Variants in GALNT13 observed in about 807,000 individuals in gnomAD.
The protein encoded by GALNT13 is UDP-GalNAc:polypeptide N-acetylgalactosaminyltransferase 13.
In GALNT13, 28 loss-of-function variants were observed where a neutral mutation model predicts 64.2. That is an observed-to-expected ratio of 0.44 (90% confidence interval 0.32 to 0.60). The LOEUF (loss-of-function observed/expected upper bound fraction) is 0.60, where lower values mean the gene tolerates loss of function less well. Ranked by LOEUF, GALNT13 falls within the 20% of genes least tolerant of loss-of-function variation. The probability of loss-of-function intolerance (pLI) is 0.05; values close to 1 mark genes in which losing one functional copy is unlikely to be tolerated. For synonymous variants in GALNT13, 214 were observed against 224.6 expected (o/e 0.95, Z 0.42); for missense variants, 577 against 669.8 (o/e 0.86, Z 1.53).
At chr2:153,973,905 C>T (rs942080739) in intron 3 of GALNT13, among the ~76,000 whole-genome samples, 1 of 151,986 alleles carries the variant, frequency 6.6e-6, no homozygotes, top group Non-Finnish European at 1.5e-5. Context: ...TTGATGATGG[C>T]TATGAACATT....
At chr2:153,239,085 T>C in the GALNT13 span, among the ~76,000 whole-genome samples, 1 of 152,140 alleles carries the variant, frequency 6.6e-6, no homozygotes, top group East Asian at 1.9e-4. Flanking sequence ...GGTATTTTAT[T>C]TTATTTGTAG....
the GALNT13 span, among the ~76,000 whole-genome samples, chr2:153,365,136 T>C: frequency 6.6e-6 from 1 of 151,976 alleles, no homozygotes; most frequent in African/African-American, 2.4e-5. Context: ...AAACAAGCAA[T>C]AGGTAAAGGA....
At chr2:154,124,268 A>C (rs1682126877) in intron 3 of GALNT13, among the ~76,000 whole-genome samples, 1 of 151,732 alleles carries the variant, frequency 6.6e-6, no homozygotes, top group South Asian at 2.1e-4. Flanking sequence ...GAAGTTAAAA[A>C]GAGAGAGATA....
At chr2:153,474,320 C>A in the GALNT13 span, among the ~76,000 whole-genome samples, 1 of 152,170 alleles carries the variant, frequency 6.6e-6, no homozygotes, top group Non-Finnish European at 1.5e-5. Flanking sequence ...GTGACCAGAA[C>A]CAAAATTTCT....
the GALNT13 span, among the ~76,000 whole-genome samples, chr2:153,684,734 A>G: frequency 2.6e-5 from 4 of 151,606 alleles, no homozygotes; most frequent in African/African-American, 9.7e-5. Flanking sequence ...CTTGTTGTAC[A>G]CATTATTTCA....
chr2:153,400,579 A>G, the GALNT13 span, among the ~76,000 whole-genome samples: 3 of 152,210 alleles, frequency 2.0e-5, no homozygotes, highest in East Asian at 1.9e-4. Flanking sequence ...TTGGTAAGCT[A>G]TTGATTATTG....
chr2:153,248,994 A>T, the GALNT13 span, among the ~76,000 whole-genome samples: 148 of 152,292 alleles, frequency 9.7e-4, no homozygotes, highest in African/African-American at 3.4e-3. Context: ...CTCTCTCAGC[A>T]CTCCTATTCA....
intron 4 of GALNT13, among the ~76,000 whole-genome samples, chr2:154,208,225 G>A (rs1180802435): frequency 3.3e-5 from 5 of 152,060 alleles, no homozygotes; most frequent in African/African-American, 1.2e-4. Flanking sequence ...TGTTCTTTTT[G>A]TCTGGCACTA....
At chr2:153,386,551 G>C in the GALNT13 span, among the ~76,000 whole-genome samples, 1 of 152,028 alleles carries the variant, frequency 6.6e-6, no homozygotes, top group African/African-American at 2.4e-5. Context: ...TGAGGGATCT[G>C]AGTTGGGCCA....
the GALNT13 span, among the ~76,000 whole-genome samples, chr2:153,807,487 T>C: frequency 6.6e-6 from 1 of 151,966 alleles, no homozygotes; most frequent in Non-Finnish European, 1.5e-5. Context: ...TTAGATATTG[T>C]ATATGTATAA....
chr2:153,213,383 C>T, the GALNT13 span, among the ~76,000 whole-genome samples: 1 of 152,172 alleles, frequency 6.6e-6, no homozygotes, highest in Non-Finnish European at 1.5e-5. Flanking sequence ...TGTGGGGAGA[C>T]TTGATCTTTA....
intron 3 of GALNT13, among the ~76,000 whole-genome samples, chr2:154,098,068 G>C (rs1437043460): frequency 6.7e-6 from 1 of 149,458 alleles, no homozygotes; most frequent in Non-Finnish European, 1.5e-5. Flanking sequence ...CTAGGGCTCA[G>C]TGTGTTTCTC....
the GALNT13 span, among the ~76,000 whole-genome samples, chr2:153,454,989 T>C: frequency 6.6e-6 from 1 of 152,224 alleles, no homozygotes; most frequent in African/African-American, 2.4e-5. Context: ...TTATAACTTA[T>C]AATGTATATA....
chr2:153,437,064 A>T, the GALNT13 span, among the ~76,000 whole-genome samples: 9 of 152,034 alleles, frequency 5.9e-5, no homozygotes, highest in Admixed American at 1.3e-4. Flanking sequence ...TCTTTATTTT[A>T]GCCTTCATTT....
chr2:153,706,614 G>T, the GALNT13 span, among the ~76,000 whole-genome samples: 3 of 152,164 alleles, frequency 2.0e-5, no homozygotes, highest in Admixed American at 2.0e-4. Context: ...GACTCAGTTG[G>T]TTGCTTTATG....
chr2:154,341,620 A>G (rs1695777323), intron 9 of GALNT13, among the ~76,000 whole-genome samples: 1 of 152,042 alleles, frequency 6.6e-6, no homozygotes, highest in African/African-American at 2.4e-5. Context: ...GTTGGGGAAG[A>G]AGGAGGAGAG....
chr2:154,290,137 C>A (rs1559070355), intron 8 of GALNT13, among the ~76,000 whole-genome samples: 2 of 152,036 alleles, frequency 1.3e-5, no homozygotes, highest in South Asian at 2.1e-4. Flanking sequence ...ACTGCCGGGG[C>A]AAGTCAGGGA....
At chr2:153,687,116 G>A in the GALNT13 span, among the ~76,000 whole-genome samples, 2 of 152,008 alleles carry the variant, frequency 1.3e-5, no homozygotes, top group Non-Finnish European at 2.9e-5. Flanking sequence ...TTGTGTGTGT[G>A]TGTCTCTGCC....
the GALNT13 span, among the ~76,000 whole-genome samples, chr2:153,283,311 G>A: frequency 1.1e-4 from 16 of 152,294 alleles, no homozygotes; most frequent in African/African-American, 3.6e-4. Flanking sequence ...TGGGGAGGGG[G>A]ACAGCCTAAA....
Sources: gnomAD v4.1 joint callset for allele counts (sites outside exome capture counted in the v4.1 genomes callset) on GRCh38, gnomAD v4.1.1 for gene constraint, MANE v1.5 for transcripts, NCBI Gene and HGNC (gene_info 2026-07-23, HGNC 2026-07-21) for gene names.